Variants in GRM3 observed in about 807,000 individuals in gnomAD.
GRM3 encodes metabotropic glutamate receptor 3.
Under a neutral mutation model 70.5 loss-of-function variants are expected in GRM3, and 26 were observed. That is an observed-to-expected ratio of 0.37 (90% CI 0.27 to 0.51). The LOEUF (loss-of-function observed/expected upper bound fraction) is 0.51. GRM3 is among the 20% of genes least tolerant of loss of function. The pLI is 0.93. For missense variants in GRM3, 859 were observed against 1,123.8 expected (o/e 0.76, Z 3.37); for synonymous variants, 443 against 434.9 (o/e 1.02, Z -0.23).
intron 5 of GRM3, among the ~76,000 whole-genome samples, chr7:86,852,518 T>C (rs531236310): frequency 5.9e-5 from 9 of 152,290 alleles, no homozygotes; most frequent in African/African-American, 1.9e-4. Context: ...TTCAGTATGC[T>C]AATCTGATAG....
intron 1 of GRM3, among the ~76,000 whole-genome samples, chr7:86,668,134 T>C (rs1584150762): frequency 6.6e-6 from 1 of 152,274 alleles, no homozygotes; most frequent in Middle Eastern, 3.4e-3. Context: ...CTCTGTTTTG[T>C]GTATCTTCAT....
chr7:86,708,390 A>G (rs1795108422), intron 1 of GRM3, among the ~76,000 whole-genome samples: 1 of 152,184 alleles, frequency 6.6e-6, no homozygotes, highest in Non-Finnish European at 1.5e-5. Flanking sequence ...GAAATTCCAA[A>G]AACAGAAGGC....
At chr7:86,764,545 T>C (rs1323830118) in intron 1 of GRM3, among the ~76,000 whole-genome samples, 1 of 152,116 alleles carries the variant, frequency 6.6e-6, no homozygotes, top group Non-Finnish European at 1.5e-5. Context: ...TCATTGTGTT[T>C]TCTTGTGTTT....
chr7:86,770,985 T>C (rs1796725226), intron 2 of GRM3, among the ~76,000 whole-genome samples: 1 of 152,108 alleles, frequency 6.6e-6, no homozygotes, highest in African/African-American at 2.4e-5. Context: ...AGCTTTGTCA[T>C]CTAAAAATGT....
chr7:86,828,188 C>T (rs1467594223), intron 3 of GRM3, among the ~76,000 whole-genome samples: 3 of 145,094 alleles, frequency 2.1e-5, no homozygotes, highest in East Asian at 4.1e-4. Flanking sequence ...TATTTATAGA[C>T]ATTTGATTGA....
chr7:86,739,812 A>C (rs956220903), intron 1 of GRM3, among the ~76,000 whole-genome samples: 8 of 152,204 alleles, frequency 5.3e-5, no homozygotes, highest in South Asian at 2.1e-4. Context: ...ACAGGAAAGA[A>C]AGATTATCTA....
intron 1 of GRM3, among the ~76,000 whole-genome samples, chr7:86,694,036 A>T (rs1015721783): frequency 6.6e-6 from 1 of 152,230 alleles, no homozygotes; most frequent in African/African-American, 2.4e-5. Flanking sequence ...GCTTTTCATT[A>T]ACACTGGGTT....
intron 3 of GRM3, among the ~76,000 whole-genome samples, chr7:86,798,112 C>T (rs915497567): frequency 1.3e-5 from 2 of 152,208 alleles, no homozygotes; most frequent in African/African-American, 4.8e-5. Context: ...TCATGGAGAA[C>T]CTCTGCTAGG....
intron 1 of GRM3, among the ~76,000 whole-genome samples, chr7:86,680,583 T>G (rs551134734): frequency 2.3e-3 from 343 of 152,236 alleles, no homozygotes; most frequent in Non-Finnish European, 3.0e-3. Context: ...TGCGCAATAC[T>G]GGACAAAAGG....
At chr7:86,655,158 T>G (rs749795349) in intron 1 of GRM3, among the ~76,000 whole-genome samples, 5 of 152,188 alleles carry the variant, frequency 3.3e-5, no homozygotes, top group Admixed American at 3.3e-4. Flanking sequence ...ACCCAGACCT[T>G]TCTGTTTGCA....
At chr7:86,760,944 CAT>C (rs1397726396) in intron 1 of GRM3, among the ~76,000 whole-genome samples, 1 of 152,046 alleles carries the variant, frequency 6.6e-6, no homozygotes, top group Non-Finnish European at 1.5e-5. Context: ...TTATATAACA[CAT>C]GTAGTATGAA....
intron 1 of GRM3, among the ~76,000 whole-genome samples, chr7:86,735,414 C>A (rs1345284750): frequency 6.6e-6 from 1 of 152,182 alleles, no homozygotes; most frequent in Non-Finnish European, 1.5e-5. Context: ...ATCTAACCAC[C>A]AATTGACTGT....
At chr7:86,739,429 T>C (rs1489896966) in intron 1 of GRM3, among the ~76,000 whole-genome samples, 1 of 152,216 alleles carries the variant, frequency 6.6e-6, no homozygotes, top group Non-Finnish European at 1.5e-5. Flanking sequence ...AGATTCCACA[T>C]ATGGGTAAGA....
Position 86,787,646 on chromosome 7 carries a change from G to A in GRM3, c.1324+530G>A, listed in dbSNP as rs78916856. Among the ~76,000 whole-genome samples, 267 of 152,234 alleles carry A rather than the reference G, an allele frequency of 1.8e-3. 1 individual carries two copies. In the East Asian group the frequency reaches 0.023, roughly 13 times the overall value. On this transcript the variant is annotated intron_variant, in intron 3 of 5. Transcript: ENST00000361669. The stretch of plus-strand genomic sequence containing the variant: ...GATACCCAGACCCTAGTGATTTCTA[G>A]GCATTCCGTTTATTTTTCTGCTATA...
chr7:86,847,870 T>C (rs1798684873), intron 4 of GRM3, among the ~76,000 whole-genome samples: 1 of 152,208 alleles, frequency 6.6e-6, no homozygotes, highest in Non-Finnish European at 1.5e-5. Context: ...TTGGGCTTTG[T>C]AATAAATAAA....
intron 1 of GRM3, among the ~76,000 whole-genome samples, chr7:86,740,854 C>T (rs994025311): frequency 1.3e-5 from 2 of 152,170 alleles, no homozygotes; most frequent in Admixed American, 1.3e-4. Flanking sequence ...AAATAATTTT[C>T]ACCATATCCA....
rs745443013 is a variant in GRM3, at chr7:86,864,331, C to T, written c.2616C>T (p.Leu872=). The T allele has an allele frequency of 4.3e-6, 7 of 1,611,228 alleles. No individual in the cohort carries two copies. The highest frequency in any genetic ancestry group is 5.9e-6 in the Non-Finnish European group (7 of 1,177,480). The change falls in exon 6 of 6, where the codon CTC becomes CTT. Residue 872 remains leucine, a synonymous_variant. Transcript: ENST00000361669. ...VPTVCNGREV[L]DSTTSSL The stretch of plus-strand genomic sequence containing the variant: ...CGGTGTGCAATGGGCGGGAAGTCCT[C>T]GACTCCACCACCTCATCTCTGTGAT...
chr7:86,843,234 T>C (rs1298151886), intron 4 of GRM3, among the ~76,000 whole-genome samples: 2 of 152,164 alleles, frequency 1.3e-5, no homozygotes, highest in Non-Finnish European at 2.9e-5. Context: ...TGGAAGTAAA[T>C]TTTATTATCC....
intron 3 of GRM3, among the ~76,000 whole-genome samples, chr7:86,826,433 G>A (rs1798235784): frequency 6.6e-6 from 1 of 152,172 alleles, no homozygotes; most frequent in Non-Finnish European, 1.5e-5. Flanking sequence ...TAAAAGGGGA[G>A]AAAAGGAGAC....
Sources: gnomAD v4.1 joint callset for allele counts (sites outside exome capture counted in the v4.1 genomes callset) on GRCh38, gnomAD v4.1.1 for gene constraint, MANE v1.5 for transcripts, NCBI Gene and HGNC (gene_info 2026-07-23, HGNC 2026-07-21) for gene names.